VTI1A: variants seen among roughly 807,000 people sequenced by gnomAD.
VTI1A encodes the protein vesicle transport through interaction with t-SNAREs 1A.
A neutral mutation model predicts 34.9 loss-of-function variants in VTI1A; 22 were observed. The ratio of observed to expected loss-of-function variants is 0.63; its 90% CI spans 0.45 to 0.90. VTI1A has a LOEUF of 0.90. Among genes scored for constraint, VTI1A ranks in the 40% least tolerant of loss-of-function variants. The pLI is 0.00. For synonymous variants in VTI1A, 87 were observed against 97.3 expected, an observed-to-expected ratio of 0.89 and a Z score of 0.62; for missense variants, 268 against 275.6, an observed-to-expected ratio of 0.97 and a Z score of 0.20.
In VTI1A at chr10:112,538,292, G is replaced by A. The variant is rs148949614; in HGVS notation, c.389G>A (p.Arg130Gln). 18 of 1,613,508 alleles carry A rather than the reference G, an allele frequency of 1.1e-5. No homozygotes were observed. Among genetic ancestry groups the A allele is most frequent in the African/African-American group, 5.3e-5 (4 of 74,854 alleles). ...ACAGAGAGGCTGGAAAGGTCATCTC[G>A]GAGACTAGAGGCTGGATACCAAATA... ...DNTERLERSS[R>Q]RLEAGYQIAV... is the part of the protein sequence containing the mutation. The change falls in exon 5 of 8, where the codon CGG (arginine) becomes CAG (glutamine). Residue 130 changes from arginine (R) to glutamine (Q), a missense_variant. Coordinates refer to ENST00000393077, the MANE Select transcript of VTI1A (RefSeq NM_145206.4).
chr10:112,718,854 T>G (rs987154555), intron 7 of VTI1A, among the ~76,000 whole-genome samples: 2 of 152,194 alleles, frequency 1.3e-5, no homozygotes, highest in African/African-American at 4.8e-5. Context: ...TTTTGTGACT[T>G]TTATGCAGGT....
intron 7 of VTI1A, among the ~76,000 whole-genome samples, chr10:112,692,059 T>C (rs540363289): frequency 1.8e-4 from 27 of 152,256 alleles, no homozygotes; most frequent in Non-Finnish European, 3.5e-4. Flanking sequence ...CACACATGTA[T>C]GAGCTGCCTC....
At chr10:112,594,459 CAA>C (rs1378045221) in intron 5 of VTI1A, among the ~76,000 whole-genome samples, 1 of 152,028 alleles carries the variant, frequency 6.6e-6, no homozygotes, top group African/African-American at 2.4e-5. Context: ...GCAACTTCAG[CAA>C]AGTCTCAGGA....
intron 5 of VTI1A, among the ~76,000 whole-genome samples, chr10:112,625,744 C>G (rs754372382): frequency 4.0e-5 from 6 of 150,998 alleles, no homozygotes; most frequent in Non-Finnish European, 7.4e-5. Context: ...ACTTTGGGGA[C>G]TTAGGGGGAA....
At chr10:112,545,874 A>G (rs879513740) in intron 5 of VTI1A, among the ~76,000 whole-genome samples, 1 of 151,696 alleles carries the variant, frequency 6.6e-6, no homozygotes, top group Non-Finnish European at 1.5e-5. Context: ...TGTATTTTGC[A>G]TATATATGTG....
chr10:112,696,012 G>A (rs1271695831), intron 7 of VTI1A, among the ~76,000 whole-genome samples: 1 of 151,926 alleles, frequency 6.6e-6, no homozygotes, highest in Non-Finnish European at 1.5e-5. Context: ...TTTACAAAAA[G>A]AGCTTTCCTT....
intron 7 of VTI1A, among the ~76,000 whole-genome samples, chr10:112,784,639 A>G (rs1852228415): frequency 6.6e-6 from 1 of 152,132 alleles, no homozygotes; most frequent in African/African-American, 2.4e-5. Context: ...ACACTTTTTA[A>G]AGCAAGTCAG....
At chr10:112,623,992 C>T (rs1230427505) in intron 5 of VTI1A, among the ~76,000 whole-genome samples, 2 of 152,174 alleles carry the variant, frequency 1.3e-5, no homozygotes, top group African/African-American at 4.8e-5. Context: ...GCCTCGGCTC[C>T]CAGTTGTCCA....
chr10:112,447,352 G>A lies in VTI1A; in HGVS notation c.-22G>A. 1 of 1,610,424 alleles carries A rather than the reference G, an allele frequency of 6.2e-7. No homozygotes were observed. Among genetic ancestry groups the A allele is most frequent in the Admixed American group, 1.7e-5 (1 of 59,770 alleles). On this transcript the variant is annotated 5_prime_UTR_variant, in exon 1 of 8. Transcript: ENST00000393077. The stretch of plus-strand genomic sequence containing the variant: ...TTTCCCTGACCTAGGCTTTGGCCTG[G>A]GCTACTCGTTCCGGAGCCGCCATGT...
chr10:112,557,767 G>C (rs1240268763), intron 5 of VTI1A, among the ~76,000 whole-genome samples: 3 of 152,016 alleles, frequency 2.0e-5, no homozygotes, highest in Non-Finnish European at 2.9e-5. Flanking sequence ...TTAGATAACT[G>C]CATATGAAAG....
rs566594622 is a variant in VTI1A, at chr10:112,520,841, TGA to T, written c.265-6242_265-6241del. Among the ~76,000 whole-genome samples the T allele has an allele frequency of 4.3e-4, 66 of 152,026 alleles. 2 individuals carry two copies. The South Asian group carries it at 0.014, about 32-fold the overall frequency. On this transcript the variant is annotated intron_variant, in intron 3 of 7. Coordinates refer to ENST00000393077, the MANE Select transcript of VTI1A (RefSeq NM_145206.4). ...TGAAAGTATAAGCAAAAATAATAAA[TGA>T]GAGTGATTACAATAAAAAGACAAAA...
chr10:112,463,721 A>G (rs188686519), intron 2 of VTI1A, among the ~76,000 whole-genome samples: 126 of 152,314 alleles, frequency 8.3e-4, no homozygotes, highest in Non-Finnish European at 1.1e-3. Flanking sequence ...ATGTGGTTAT[A>G]AAGTATCGGG....
chr10:112,554,691 T>C (rs1420559876), intron 5 of VTI1A, among the ~76,000 whole-genome samples: 1 of 152,110 alleles, frequency 6.6e-6, no homozygotes. Flanking sequence ...ATTTGTCCTT[T>C]CCAGTAACTA....
rs143865924 is a variant in VTI1A at position 112,637,242 on chromosome 10, G to A, written c.428-30976G>A. ...TTTTATGATGTTTATTCATTGAAGG[G>A]TGTGAACATTATGGGTTTTACTGCA... On this transcript the variant is annotated intron_variant, in intron 5 of 7. Coordinates refer to ENST00000393077, the MANE Select transcript of VTI1A (RefSeq NM_145206.4). Among the ~76,000 whole-genome samples the A allele has an allele frequency of 1.0e-3, 158 of 152,272 alleles. 3 individuals are homozygous for A. In the East Asian group the frequency reaches 0.029, roughly 28 times the overall value.
At chr10:112,484,815 C>A (rs1848564336) in intron 3 of VTI1A, among the ~76,000 whole-genome samples, 1 of 149,708 alleles carries the variant, frequency 6.7e-6, no homozygotes, top group Non-Finnish European at 1.5e-5. Context: ...GATAGGCACA[C>A]AAAACATAAG....
intron 1 of VTI1A, among the ~76,000 whole-genome samples, chr10:112,453,915 T>C (rs1847333931): frequency 6.6e-6 from 1 of 152,208 alleles, no homozygotes; most frequent in Non-Finnish European, 1.5e-5. Context: ...TACTAAGCCA[T>C]GTATATGAAC....
rs1375043865 is a variant in VTI1A, at chr10:112,815,224, G to A, written c.561-66G>A. 21 of 1,061,464 alleles carry A rather than the reference G, an allele frequency of 2.0e-5. No homozygotes were observed. The African/African-American group carries it at 2.8e-4, about 14-fold the overall frequency. The allele number at this position is 1,061,464 out of a possible 1,614,324, so 65.8% of individuals were successfully genotyped here. A position where few individuals can be genotyped will look rare whatever the true frequency, so the allele number is the denominator to read the frequency against. On this transcript the variant is annotated intron_variant, in intron 7 of 7. Transcript: ENST00000393077. ...CCGTTTGATTAGCCAACCTGGCCTC[G>A]GACGGCGTTTGTGGGAAGGCCTTCC...
intron 1 of VTI1A, among the ~76,000 whole-genome samples, chr10:112,457,775 G>T (rs1477828837): frequency 6.6e-6 from 1 of 152,144 alleles, no homozygotes; most frequent in Non-Finnish European, 1.5e-5. Context: ...TTGAAAGATG[G>T]CCTGAAAAAT....
intron 4 of VTI1A, among the ~76,000 whole-genome samples, chr10:112,530,627 T>A (rs1402786391): frequency 6.6e-6 from 1 of 152,194 alleles, no homozygotes; most frequent in African/African-American, 2.4e-5. Flanking sequence ...GTAGACTATT[T>A]CCAAATGTGG....
Sources: gnomAD v4.1 joint callset for allele counts (sites outside exome capture counted in the v4.1 genomes callset) on GRCh38, gnomAD v4.1.1 for gene constraint, MANE v1.5 for transcripts, NCBI Gene and HGNC (gene_info 2026-07-23, HGNC 2026-07-21) for gene names.